The following ACOXL variants were observed in gnomAD, a reference collection of about 807,000 sequenced individuals.
The protein encoded by ACOXL is acyl-CoA oxidase like, also known as acyl-coenzyme A oxidase-like protein.
In ACOXL, 70 loss-of-function variants were observed where a neutral mutation model predicts 71.9. That is an observed-to-expected ratio of 0.97 (90% confidence interval 0.80 to 1.19). The LOEUF is 1.19. ACOXL is among the 50% of genes most tolerant of loss of function. The pLI is 0.00. For synonymous variants in ACOXL, 253 were observed against 281.6 expected (o/e 0.90, Z 1.02); for missense variants, 703 against 736.3 (o/e 0.95, Z 0.52).
At chr2:111,016,015 C>T (rs546620118) in intron 14 of ACOXL, among the ~76,000 whole-genome samples, 15 of 152,260 alleles carry the variant, frequency 9.9e-5, no homozygotes, top group Non-Finnish European at 1.6e-4. Context: ...TCACTTCAAC[C>T]TCTACTTCCT....
intron 10 of ACOXL, among the ~76,000 whole-genome samples, chr2:110,886,245 A>G (rs1309172790): frequency 6.6e-6 from 1 of 152,104 alleles, no homozygotes; most frequent in African/African-American, 2.4e-5. Flanking sequence ...CCATACACAT[A>G]TATTATTTTA....
At chr2:111,022,063 T>C (rs912005488) in intron 14 of ACOXL, among the ~76,000 whole-genome samples, 2 of 151,240 alleles carry the variant, frequency 1.3e-5, no homozygotes, top group African/African-American at 2.4e-5. Context: ...GAAAGAAAAA[T>C]ATAGGAAGGC....
At chr2:110,900,978 G>C (rs1026597948) in intron 10 of ACOXL, among the ~76,000 whole-genome samples, 2 of 152,196 alleles carry the variant, frequency 1.3e-5, no homozygotes, top group South Asian at 2.1e-4. Context: ...GTCTCCACGG[G>C]GGTCATCCCT....
chr2:111,007,798 C>A (rs892968783), intron 14 of ACOXL, among the ~76,000 whole-genome samples: 2 of 152,308 alleles, frequency 1.3e-5, no homozygotes. Context: ...TATATTAACT[C>A]ACGCATTTGC....
intron 14 of ACOXL, among the ~76,000 whole-genome samples, chr2:111,028,770 G>A (rs2065129763): frequency 6.6e-6 from 1 of 152,172 alleles, no homozygotes; most frequent in Non-Finnish European, 1.5e-5. Flanking sequence ...GCTGTGTGAT[G>A]CTTTATCAGG....
chr2:110,946,474 A>G (rs1368773702), intron 12 of ACOXL, among the ~76,000 whole-genome samples: 1 of 152,156 alleles, frequency 6.6e-6, no homozygotes, highest in Non-Finnish European at 1.5e-5. Flanking sequence ...CTCAGGGGGA[A>G]TGGTTTCAGC....
At chr2:110,866,792 C>T (rs13019229) in intron 10 of ACOXL, among the ~76,000 whole-genome samples, 3 of 152,218 alleles carry the variant, frequency 2.0e-5, no homozygotes, top group Non-Finnish European at 4.4e-5. Context: ...TCCCCACTCA[C>T]TCATCCACTG....
chr2:110,795,273 G>A lies in ACOXL; in HGVS notation c.345+1099G>A, dbSNP rs116488719. Among the ~76,000 whole-genome samples, 148 of 152,284 alleles carry A rather than the reference G, an allele frequency of 9.7e-4. 1 individual carries two copies. The highest frequency in any genetic ancestry group is 1.7e-3 in the South Asian group (8 of 4,822). ...TGTCTGGAATGACAGATGCAGGGGC[G>A]GGGTGTATTGGAGGATGCCCTGCTT... On this transcript the variant is annotated intron_variant, in intron 5 of 17. Transcript: ENST00000439055.
chr2:110,913,107 G>A (rs2059705459), intron 11 of ACOXL, among the ~76,000 whole-genome samples: 1 of 152,196 alleles, frequency 6.6e-6, no homozygotes, highest in Non-Finnish European at 1.5e-5. Flanking sequence ...ATGATAACAA[G>A]TGTTGACAAG....
chr2:111,033,768 G>T (rs1470211973), intron 15 of ACOXL, among the ~76,000 whole-genome samples: 1 of 152,060 alleles, frequency 6.6e-6, no homozygotes, highest in Non-Finnish European at 1.5e-5. Context: ...ATTCACTGTA[G>T]GTAGACTTGT....
chr2:111,028,624 A>AT (rs1368884835), intron 14 of ACOXL, among the ~76,000 whole-genome samples: 1 of 152,140 alleles, frequency 6.6e-6, no homozygotes, highest in Non-Finnish European at 1.5e-5. Context: ...GTTAGCTGAC[A>AT]TTTTTTGTAG....
chr2:110,796,308 C>G (rs1252923520), intron 5 of ACOXL: 1 of 152,046 alleles, frequency 6.6e-6, no homozygotes, highest in Non-Finnish European at 1.5e-5. Context: ...TTCTAAATAG[C>G]AAAAATAAAT....
chr2:111,045,527 A>T (rs745812734), intron 15 of ACOXL, among the ~76,000 whole-genome samples: 4 of 152,168 alleles, frequency 2.6e-5, no homozygotes, highest in Non-Finnish European at 4.4e-5. Flanking sequence ...CCCTTCTGCC[A>T]TGATTGTAAG....
chr2:111,068,172 A>G (rs1233410534), intron 16 of ACOXL, among the ~76,000 whole-genome samples: 1 of 152,222 alleles, frequency 6.6e-6, no homozygotes, highest in African/African-American at 2.4e-5. Context: ...ATGGATCAGA[A>G]TCTCAAAGGA....
chr2:110,781,410 G>A (rs1227830923), intron 2 of ACOXL, among the ~76,000 whole-genome samples: 5 of 151,944 alleles, frequency 3.3e-5, no homozygotes, highest in Non-Finnish European at 2.9e-5. Context: ...GGGAGGTGGA[G>A]GCGGGCGGAT....
chr2:111,050,851 G>A (rs2066255668), intron 16 of ACOXL, among the ~76,000 whole-genome samples: 1 of 152,206 alleles, frequency 6.6e-6, no homozygotes, highest in Non-Finnish European at 1.5e-5. Flanking sequence ...GAGGTGAAAA[G>A]AGATGTAACC....
intron 10 of ACOXL, among the ~76,000 whole-genome samples, chr2:110,897,182 T>C (rs1247364290): frequency 6.6e-6 from 1 of 152,128 alleles, no homozygotes; most frequent in Non-Finnish European, 1.5e-5. Flanking sequence ...TTGAACTAGA[T>C]GGAACTGAAA....
intron 14 of ACOXL, among the ~76,000 whole-genome samples, chr2:111,019,194 G>C (rs1304659023): frequency 6.6e-6 from 1 of 152,226 alleles, no homozygotes; most frequent in African/African-American, 2.4e-5. Flanking sequence ...TTTGGTGCCT[G>C]TAAAATCTAT....
At chr2:110,805,623 G>A (rs186357152) in intron 9 of ACOXL, among the ~76,000 whole-genome samples, 167 of 152,348 alleles carry the variant, frequency 1.1e-3, no homozygotes, top group Middle Eastern at 3.4e-3. Context: ...GCTGCTAATC[G>A]TGGGGGTGGA....
Sources: allele counts gnomAD v4.1 joint callset (sites outside exome capture counted in the v4.1 genomes callset), GRCh38; gene constraint gnomAD v4.1.1; transcripts MANE v1.5; gene names NCBI Gene and HGNC (gene_info 2026-07-23, HGNC 2026-07-21).